Variants in MICALL2 observed in about 807,000 individuals in gnomAD.
MICALL2 encodes the protein MICAL-like protein 2.
A neutral mutation model predicts 91.1 loss-of-function variants in MICALL2; 111 were observed. The observed-to-expected ratio is 1.22, with a 90% confidence interval of 1.04 to 1.43. MICALL2 has a LOEUF of 1.43. Ranked by LOEUF, MICALL2 falls within the 40% of genes most tolerant of loss-of-function variation. MICALL2 has a pLI of 0.00. For missense variants in MICALL2, 1,556 were observed against 1,236.0 expected (o/e 1.26, Z -3.88); for synonymous variants, 694 against 525.3 (o/e 1.32, Z -4.39).
At chr7:1,436,888 C>A (rs1322647403) in intron 14 of MICALL2, 32 bp from the exon 15 acceptor site, 6 of 1,456,296 alleles carry the variant, frequency 4.1e-6, no homozygotes, top group East Asian at 2.6e-5. Context: ...AGGAGCCCCC[C>A]CCACCACTGC....
chr7:1,459,006 G>A (rs544233365), intron 1 of MICALL2, among the ~76,000 whole-genome samples, 178 bp downstream of exon 1: 2 of 152,256 alleles, frequency 1.3e-5, no homozygotes, highest in African/African-American at 4.8e-5. Context: ...AGCTGCATTC[G>A]GTGTCCGGGC....
chr7:1,434,554 C>T lies in MICALL2; in HGVS notation c.*42G>A. On this transcript the variant is annotated 3_prime_UTR_variant, in exon 17 of 17. Coordinates refer to ENST00000297508, the MANE Select transcript of MICALL2 (RefSeq NM_182924.4). ...CAAGCCCATGGCCCCGAGTCCAAGT[C>T]CGGATGCCAGGTCCGGGCCGAGCCC... The T allele has an allele frequency of 1.3e-6, 2 of 1,560,340 alleles. No individual in the cohort carries two copies. Among genetic ancestry groups the T allele is most frequent in the Non-Finnish European group, 1.8e-6 (2 of 1,131,656 alleles).
chr7:1,439,668 AACACAGATGT>A (rs1458860328), intron 9 of MICALL2: 9 of 399,212 alleles, frequency 2.3e-5, no homozygotes, highest in Non-Finnish European at 4.0e-5. Flanking sequence ...CACACACATG[AACACAGATGT>A]ACACATGCGC....
In MICALL2 at chr7:1,451,299, G is replaced by A. The variant is rs1780817095; in HGVS notation, c.144-1011C>T. ...CAAGATCCCAGGAGGCCCCAGCCCA[G>A]CCCCAGGCCCTCCGACAAAAACCAC... On this transcript the variant is annotated intron_variant, in intron 1 of 16. Transcript: ENST00000297508. The surrounding 1 kb of genome is among the most constrained non-coding windows in gnomAD (Gnocchi z 4.5). 6.6e-6 allele frequency among the ~76,000 whole-genome samples: 1 copy of A among 152,134 alleles called. No individual in the cohort carries two copies. The highest frequency in any genetic ancestry group is 2.4e-5 in the African/African-American group (1 of 41,422).
chr7:1,459,156 G>A lies in MICALL2; in HGVS notation c.143+28C>T, dbSNP rs368423207. The A allele has an allele frequency of 2.7e-4, 430 of 1,592,896 alleles. 2 individuals carry two copies. Among genetic ancestry groups the A allele is most frequent in the South Asian group, 5.0e-4 (45 of 89,172 alleles). On this transcript the variant is annotated intron_variant, in intron 1 of 16. Transcript: ENST00000297508. ...GTCAGCGCGCAGCCGAACAGCAGAA[G>A]AATCAAAGGGCGCCAGGCAGGACTT... is the stretch of plus-strand genomic sequence containing the variant.
rs1490686910 is a variant in MICALL2, at chr7:1,452,191, G to A, written c.144-1903C>T. 6.6e-6 allele frequency among the ~76,000 whole-genome samples: 1 copy of A among 152,212 alleles called. No individual in the cohort carries two copies. Among genetic ancestry groups the A allele is most frequent in the Non-Finnish European group, 1.5e-5 (1 of 68,036 alleles). ...AGCTTCTGCACGCCGGACAAGATGG[G>A]GCGCGGACTCCTCTCCGTGTGGACA... On this transcript the variant is annotated intron_variant, in intron 1 of 16. Coordinates refer to ENST00000297508, the MANE Select transcript of MICALL2 (RefSeq NM_182924.4). This position sits in a 1 kb window ranked among gnomAD's most constrained non-coding sequence, Gnocchi z 6.2.
chr7:1,438,163 T>C lies in MICALL2; in HGVS notation c.2245A>G (p.Arg749Gly), dbSNP rs1238997103. 1.3e-6 allele frequency: 2 copies of C among 1,565,496 alleles called. No homozygotes were observed. The highest frequency in any genetic ancestry group is 1.2e-5 in the South Asian group (1 of 85,390). The change falls in exon 12 of 17, where the codon AGG becomes GGG. Residue 749 changes from arginine (R) to glycine (G), a missense_variant. Arg to Gly is a moderately radical substitution (Grantham distance 125). Coordinates refer to ENST00000297508, the MANE Select transcript of MICALL2 (RefSeq NM_182924.4). ...CGGAGCTCCAGGGCGTCCAGCCGCC[T>C]CTCGATGTCCTGCAGCTGCCTCTGT... ...EIQRQLQDIE[R>G]RLDALELRGV...
intron 7 of MICALL2, chr7:1,441,803 C>T (rs527494236): frequency 3.5e-5 from 9 of 254,892 alleles, no homozygotes; most frequent in South Asian, 2.1e-4. Flanking sequence ...GTTGTCAAAG[C>T]GACAGGCAGG....
chr7:1,442,203 G>A lies in MICALL2; in HGVS notation c.1700C>T (p.Thr567Ile). The A allele has an allele frequency of 1.9e-6, 3 of 1,612,594 alleles. No individual in the cohort carries two copies. Among genetic ancestry groups the A allele is most frequent in the Non-Finnish European group, 2.5e-6 (3 of 1,179,886 alleles). ...EAPMAKGKST[T>I]LTQDMSTSLQ... is the part of the protein sequence containing the mutation. ...AGCCCCTTACTCACCCTGCGTTAAG[G>A]TGGTGCTTTTACCCTTTGCCATCGG... Residue 567 changes from threonine (T) to isoleucine (I), a missense_variant, in exon 7 of 17, where the codon ACC becomes ATC. By Grantham distance (89) the Thr-to-Ile change is moderately conservative. Transcript: ENST00000297508.
intron 1 of MICALL2, among the ~76,000 whole-genome samples, chr7:1,458,646 C>T (rs1053891016): frequency 7.9e-5 from 12 of 152,222 alleles, no homozygotes; most frequent in African/African-American, 2.7e-4. Flanking sequence ...GGGGGCTGTT[C>T]TCCATCTCGG....
intron 1 of MICALL2, 64 bp from the exon 2 acceptor site, chr7:1,450,352 C>A (rs756708584): frequency 7.2e-7 from 1 of 1,385,640 alleles, no homozygotes; most frequent in Non-Finnish European, 1.0e-6. Flanking sequence ...GCTGGAGGGC[C>A]TCAGAGGTCA....
Position 1,451,723 on chromosome 7 carries a change from G to A in MICALL2, c.144-1435C>T, listed in dbSNP as rs1401926795. Among the ~76,000 whole-genome samples the A allele has an allele frequency of 6.6e-6, 1 of 152,198 alleles. No homozygotes were observed. Among genetic ancestry groups the A allele is most frequent in the Non-Finnish European group, 1.5e-5 (1 of 68,028 alleles). On this transcript the variant is annotated intron_variant, in intron 1 of 16. Transcript: ENST00000297508. The surrounding 1 kb of genome is among the most constrained non-coding windows in gnomAD (Gnocchi z 4.5). Reference sequence around the variant, plus strand: ...GGGCCTCAGTCTCCCTGTCTGGGAGGACAACCGCAGCTCCTGGTGGCGAAT... The same window carrying A: ...GGGCCTCAGTCTCCCTGTCTGGGAGAACAACCGCAGCTCCTGGTGGCGAAT...
At chr7:1,458,486 T>G (rs1781097712) in intron 1 of MICALL2, among the ~76,000 whole-genome samples, 1 of 152,242 alleles carries the variant, frequency 6.6e-6, no homozygotes, top group South Asian at 2.1e-4. Context: ...AAAGAGCGTT[T>G]GCTGAGTGAA....
chr7:1,438,486 C>A (rs1391661608), intron 10 of MICALL2, 133 bp from the exon 11 acceptor site: 30 of 1,476,722 alleles, frequency 2.0e-5, no homozygotes, highest in Non-Finnish European at 2.6e-5. Flanking sequence ...GCCCCACACG[C>A]CCACTGGACT....
rs754717785 is a variant in MICALL2, at chr7:1,437,939, T to TGAGCCA, written c.2347_2352dup (p.Trp783_Leu784dup). 2.6e-6 allele frequency: 4 copies of TGAGCCA among 1,549,916 alleles called. No homozygotes were observed. The highest frequency in any genetic ancestry group is 2.6e-6 in the Non-Finnish European group (3 of 1,147,080). On this transcript the variant is annotated inframe_insertion, in exon 13 of 17. Coordinates refer to ENST00000297508, the MANE Select transcript of MICALL2 (RefSeq NM_182924.4). ...CTCAGCAGAAGCTGCTTCTCGTGAA[T>TGAGCCA]GAGCCAGAACCAGTCCACCATGAGG... is the stretch of plus-strand genomic sequence containing the variant.
At position 1,446,643 on chromosome 7, in the gene MICALL2, G is replaced by A. The variant is rs951449355; in HGVS notation, c.641+70C>T. 17 of 1,167,348 alleles carry A rather than the reference G, an allele frequency of 1.5e-5. No homozygotes were observed. In the African/African-American group the frequency reaches 2.0e-4, roughly 14 times the overall value. 72.3% of individuals were successfully genotyped at this position (1,167,348 alleles called of 1,614,324 possible). ...GGGAGGAGGAGGCCGGGTGGGAGGCGATGGGAGCTGTGGGAGGGTTCTGGG... is the reference window on the plus strand; with the variant it reads ...GGGAGGAGGAGGCCGGGTGGGAGGCAATGGGAGCTGTGGGAGGGTTCTGGG... On this transcript the variant is annotated intron_variant, in intron 5 of 16. Coordinates refer to ENST00000297508, the MANE Select transcript of MICALL2 (RefSeq NM_182924.4).
rs148787059 is a variant in MICALL2, at chr7:1,444,864, G to A, written c.1206C>T (p.Asp402=). ...SSSSTSAATV[D]PPAWTPSASR... ...AGGCGGACGGGGTCCAGGCTGGGGG[G>A]TCCACCGTGGCTGCAGATGTGGAGC... The change falls in exon 6 of 17, where the codon GAC becomes GAT. Residue 402 remains aspartate (D), a synonymous_variant. Coordinates refer to ENST00000297508, the MANE Select transcript of MICALL2 (RefSeq NM_182924.4). The A allele has an allele frequency of 2.7e-5, 43 of 1,599,862 alleles. No individual in the cohort carries two copies. The highest frequency in any genetic ancestry group is 1.7e-4 in the Middle Eastern group (1 of 5,964).
In MICALL2 at chr7:1,444,608, G is replaced by A. The variant is rs527609587; in HGVS notation, c.1418+44C>T. ...GGCCTCCGGGGCCCCGCTGGCTGGT[G>A]CAAAGAGGCCATACCCGGGGTCCCT... On this transcript the variant is annotated intron_variant, in intron 6 of 16. Transcript: ENST00000297508. 660 of 1,572,272 alleles carry A rather than the reference G, an allele frequency of 4.2e-4. 12 individuals carry two copies. The South Asian group carries it at 6.3e-3, about 15-fold the overall frequency.
rs530363317 is a variant in MICALL2 at position 1,448,896 on chromosome 7, G to A, written c.193-135C>T. ...GGGTTGGAGGCCGGAGCTGAGTTCT[G>A]CTCGCGTGGCCTCCCGGCCTCAGCT... On this transcript the variant is annotated intron_variant, in intron 2 of 16. Coordinates refer to ENST00000297508, the MANE Select transcript of MICALL2 (RefSeq NM_182924.4). The A allele has an allele frequency of 2.8e-3, 2,886 of 1,036,838 alleles. 29 individuals are homozygous for A. The highest frequency in any genetic ancestry group is 0.015 in the South Asian group (1,012 of 65,452). The allele number at this position is 1,036,838 out of a possible 1,614,324, so 64.2% of individuals were successfully genotyped here.
Sources: gnomAD v4.1 joint callset for allele counts (sites outside exome capture counted in the v4.1 genomes callset) on GRCh38, gnomAD v4.1.1 for gene constraint, Gnocchi (gnomAD v3.1) non-coding constraint, MANE v1.5 for transcripts, NCBI Gene and HGNC (gene_info 2026-07-23, HGNC 2026-07-21) for gene names.